DLG2: variants seen among roughly 807,000 people sequenced by gnomAD.
The protein encoded by DLG2 is disks large homolog 2.
A neutral mutation model predicts 132.5 loss-of-function variants in DLG2; 45 were observed. The observed-to-expected ratio is 0.34, with a 90% CI of 0.27 to 0.44. DLG2 has a LOEUF of 0.44. Among genes scored for constraint, DLG2 ranks in the 20% least tolerant of loss-of-function variants. DLG2 has a pLI of 1.00. For synonymous variants in DLG2, 424 were observed against 419.6 expected (o/e 1.01, Z -0.13); for missense variants, 1,045 against 1,196.9 (o/e 0.87, Z 1.87).
intron 7 of DLG2, among the ~76,000 whole-genome samples, chr11:84,294,714 G>T (rs138506603): frequency 1.3e-5 from 2 of 152,226 alleles, no homozygotes; most frequent in East Asian, 1.9e-4. Context: ...CTTAATGAAC[G>T]TTATCTTCTG....
intron 6 of DLG2, among the ~76,000 whole-genome samples, chr11:85,064,447 C>T (rs1195993855): frequency 6.6e-6 from 1 of 151,728 alleles, no homozygotes; most frequent in Non-Finnish European, 1.5e-5. Context: ...AGCTAAAAAT[C>T]TGGAAATCAA....
intron 17 of DLG2, among the ~76,000 whole-genome samples, chr11:83,809,756 T>G (rs553969942): frequency 3.5e-4 from 54 of 152,244 alleles, no homozygotes; most frequent in Non-Finnish European, 5.7e-4. Context: ...AAATAAGTAC[T>G]GAAATGTTTC....
intron 15 of DLG2, among the ~76,000 whole-genome samples, chr11:83,913,723 G>A (rs1024161962): frequency 1.2e-4 from 19 of 152,074 alleles, no homozygotes; most frequent in African/African-American, 4.6e-4. Context: ...CATTAAGAGA[G>A]GGAGGAGGAG....
chr11:84,765,365 A>C (rs892214534), intron 6 of DLG2, among the ~76,000 whole-genome samples: 2 of 151,992 alleles, frequency 1.3e-5, no homozygotes, highest in Non-Finnish European at 2.9e-5. Flanking sequence ...AACGTGCTAC[A>C]TTTGTAGTAG....
intron 7 of DLG2, among the ~76,000 whole-genome samples, chr11:84,288,236 G>C (rs2097937129): frequency 6.6e-6 from 1 of 151,592 alleles, no homozygotes; most frequent in Admixed American, 6.6e-5. Flanking sequence ...TAATCTCCTA[G>C]GATTATTGTC....
intron 6 of DLG2, among the ~76,000 whole-genome samples, chr11:84,714,537 TTCTCTTTCTCTTTCTCTC>T (rs1472867352): frequency 4.8e-4 from 50 of 104,852 alleles, no homozygotes; most frequent in African/African-American, 3.3e-3. Flanking sequence ...CTCTTTCTCT[TTCTCTTTCTCTTTCTCTC>T]TCTTTCTCTT....
intron 6 of DLG2, among the ~76,000 whole-genome samples, chr11:84,584,923 C>T (rs377653502): frequency 8.0e-5 from 12 of 150,404 alleles, no homozygotes; most frequent in Non-Finnish European, 1.2e-4. Flanking sequence ...CTCCTGACCT[C>T]GTGATCCGCC....
chr11:84,059,190 A>AT (rs1323816176), intron 11 of DLG2, 125 bp downstream of exon 11: 1 of 898,322 alleles, frequency 1.1e-6, no homozygotes, highest in African/African-American at 1.7e-5. Flanking sequence ...CTACTGTAGG[A>AT]TTTTAAATCT....
At chr11:85,214,152 A>G (rs1434677846) in intron 4 of DLG2, among the ~76,000 whole-genome samples, 1 of 152,160 alleles carries the variant, frequency 6.6e-6, no homozygotes, top group East Asian at 1.9e-4. Flanking sequence ...TAAAAGCTGA[A>G]TATGGAGATT....
rs1167720872 is a variant in DLG2, at chr11:83,692,503, G to A, written c.1826-59178C>T. ...GGAGGTAGGGGGTGGGAGGAAATGA[G>A]GAGTTGCTAATAGTTATGGGGTTTC... On this transcript the variant is annotated intron_variant, in intron 18 of 27. Coordinates refer to ENST00000376104, the MANE Select transcript of DLG2 (RefSeq NM_001142699.3). Among the ~76,000 whole-genome samples the A allele has an allele frequency of 2.0e-5, 3 of 152,138 alleles. No individual in the cohort carries two copies. In the East Asian group the frequency reaches 5.8e-4, roughly 29 times the overall value.
intron 4 of DLG2, among the ~76,000 whole-genome samples, chr11:85,156,253 A>G (rs1054543211): frequency 5.9e-5 from 9 of 152,122 alleles, no homozygotes; most frequent in South Asian, 2.1e-4. Context: ...ATGTATATAT[A>G]TGTGTGTGTG....
chr11:85,241,895 C>T (rs886892640), intron 4 of DLG2, among the ~76,000 whole-genome samples: 1 of 151,948 alleles, frequency 6.6e-6, no homozygotes, highest in Non-Finnish European at 1.5e-5. Flanking sequence ...AGTTTTGCAA[C>T]TGATACAACA....
At chr11:84,680,541 G>A (rs183589990) in intron 6 of DLG2, among the ~76,000 whole-genome samples, 8 of 152,240 alleles carry the variant, frequency 5.3e-5, no homozygotes, top group Admixed American at 2.0e-4. Context: ...TTCTACTGGG[G>A]TGTGAGAGCT....
At chr11:83,983,860 A>G (rs899389184) in intron 11 of DLG2, among the ~76,000 whole-genome samples, 1 of 152,098 alleles carries the variant, frequency 6.6e-6, no homozygotes, top group African/African-American at 2.4e-5. Flanking sequence ...CAAAACTGTT[A>G]CTTTATTATA....
At chr11:85,168,966 C>T (rs143433841) in intron 4 of DLG2, among the ~76,000 whole-genome samples, 17 of 152,240 alleles carry the variant, frequency 1.1e-4, no homozygotes, top group East Asian at 9.6e-4. Flanking sequence ...CTAAAGAACA[C>T]GGTCATCCCC....
At chr11:83,915,677 T>C (rs2076809462) in intron 15 of DLG2, among the ~76,000 whole-genome samples, 2 of 152,218 alleles carry the variant, frequency 1.3e-5, no homozygotes. Context: ...AATGTCACTG[T>C]GGCTATATAA....
At chr11:84,207,545 A>G (rs1199694909) in intron 8 of DLG2, among the ~76,000 whole-genome samples, 4 of 152,162 alleles carry the variant, frequency 2.6e-5, no homozygotes, top group Non-Finnish European at 5.9e-5. Context: ...AGGGGAAAGA[A>G]ACATCTTTTT....
At chr11:83,726,489 A>C (rs959479387) in intron 18 of DLG2, among the ~76,000 whole-genome samples, 1 of 152,204 alleles carries the variant, frequency 6.6e-6, no homozygotes, top group Non-Finnish European at 1.5e-5. Context: ...TTATTTTATG[A>C]TTGGTTATTG....
At chr11:84,543,286 T>C (rs916644492) in intron 6 of DLG2, among the ~76,000 whole-genome samples, 4 of 151,834 alleles carry the variant, frequency 2.6e-5, no homozygotes, top group African/African-American at 9.7e-5. Flanking sequence ...AGGAGAAAAA[T>C]GGGAGGAGGA....
Sources: allele counts gnomAD v4.1 joint callset (sites outside exome capture counted in the v4.1 genomes callset), GRCh38; gene constraint gnomAD v4.1.1; transcripts MANE v1.5; gene names NCBI Gene and HGNC (gene_info 2026-07-23, HGNC 2026-07-21).